The following KDM5A variants were observed in gnomAD, a reference collection of about 807,000 sequenced individuals.
KDM5A encodes lysine demethylase 5A, also known as lysine-specific demethylase 5A.
Under a neutral mutation model 193.5 loss-of-function variants are expected in KDM5A, and 42 were observed. The observed-to-expected ratio is 0.22, with a 90% CI of 0.17 to 0.28. The LOEUF is 0.28. Among genes scored for constraint, KDM5A ranks in the 10% least tolerant of loss-of-function variants. The pLI is 1.00. For missense variants in KDM5A, 1,692 were observed against 2,055.1 expected, an observed-to-expected ratio of 0.82 and a Z score of 3.42; for synonymous variants, 796 against 718.1, an observed-to-expected ratio of 1.11 and a Z score of -1.73.
rs1355205381 is a variant in KDM5A, at chr12:282,318, A to G, written c.*3138T>C. On this transcript the variant is annotated 3_prime_UTR_variant, in exon 28 of 28. Transcript: ENST00000399788. The stretch of plus-strand genomic sequence containing the variant: ...CTGCCATGTTTTTTATTATTAAAGT[A>G]CATTATGGGTAATCACAGGTTTAAT... The G allele has an allele frequency of 4.3e-6, 1 of 233,406 alleles. No individual in the cohort carries two copies. The highest frequency in any genetic ancestry group is 8.5e-6 in the Non-Finnish European group (1 of 118,208). 14.5% of individuals were successfully genotyped at this position (233,406 alleles called of 1,614,324 possible).
At chr12:312,117 T>C (rs1943594979) in intron 20 of KDM5A, among the ~76,000 whole-genome samples, 2 of 152,246 alleles carry the variant, frequency 1.3e-5, no homozygotes, top group Admixed American at 6.5e-5. Flanking sequence ...TGAGTACAGT[T>C]CTATAATTAA....
chr12:295,917 ATT>A (rs1480231555), intron 25 of KDM5A, 124 bp from the exon 26 acceptor site: 1 of 778,730 alleles, frequency 1.3e-6, no homozygotes, highest in Non-Finnish European at 2.2e-6. Flanking sequence ...ATCTGGATTC[ATT>A]ATATCAGTAT....
Position 280,846 on chromosome 12 carries a change from A to C in KDM5A, c.*4610T>G, listed in dbSNP as rs1241663248. 8.6e-6 allele frequency: 2 copies of C among 232,792 alleles called. No homozygotes were observed. The highest frequency in any genetic ancestry group is 1.2e-4 in the East Asian group (2 of 16,552). The allele number at this position is 232,792 out of a possible 1,614,324, so 14.4% of individuals were successfully genotyped here. ...AATCACTTCACACTCCAAAAACACT[A>C]TTCTCAGCAATGATAATAGGCTAAT... On this transcript the variant is annotated 3_prime_UTR_variant, in exon 28 of 28. Transcript: ENST00000399788.
At chr12:351,739 C>A (rs1944162703) in intron 9 of KDM5A, among the ~76,000 whole-genome samples, 1 of 152,084 alleles carries the variant, frequency 6.6e-6, no homozygotes, top group African/African-American at 2.4e-5. Context: ...GAGGCCAAGG[C>A]AGGCAGATCA....
intron 3 of KDM5A, among the ~76,000 whole-genome samples, chr12:377,687 A>C (rs1051246688): frequency 6.6e-6 from 1 of 152,230 alleles, no homozygotes; most frequent in Non-Finnish European, 1.5e-5. Context: ...ATATCCCATT[A>C]ACCATCTTTC....
chr12:381,797 A>G (rs921500055), intron 3 of KDM5A, among the ~76,000 whole-genome samples: 3 of 136,306 alleles, frequency 2.2e-5, no homozygotes, highest in African/African-American at 8.3e-5. Context: ...ATAAAAGATA[A>G]TTTAAATATG....
At chr12:293,198 T>G (rs1943322441) in intron 26 of KDM5A, 29 bp from the exon 27 acceptor site, 2 of 1,582,014 alleles carry the variant, frequency 1.3e-6, no homozygotes, top group Non-Finnish European at 1.7e-6. Flanking sequence ...AGGAACAATT[T>G]TAAAGCAAGA....
intron 10 of KDM5A, among the ~76,000 whole-genome samples, chr12:347,134 C>A (rs1418292218): frequency 6.6e-6 from 1 of 151,776 alleles, no homozygotes; most frequent in Non-Finnish European, 1.5e-5. Context: ...AGACAAACAG[C>A]CAAATCATGA....
chr12:326,864 C>CAAA lies in KDM5A; in HGVS notation c.1968+1968_1968+1970dup, dbSNP rs61571425. 3.7e-4 allele frequency among the ~76,000 whole-genome samples: 32 copies of CAAA among 85,988 alleles called. 2 individuals carry two copies. The East Asian group carries it at 6.4e-3, about 17-fold the overall frequency. The allele number at this position is 85,988 out of a possible 152,430, so 56.4% of individuals were successfully genotyped here. A position where few individuals can be genotyped will look rare whatever the true frequency, so the allele number is the denominator to read the frequency against. ...TGGGTGACAGAGCTAGACTCTGTCT[C>CAAA]AAAAAAAAAAAAAAAAAAAAAAAAA... On this transcript the variant is annotated intron_variant, in intron 14 of 27. Coordinates refer to ENST00000399788, the MANE Select transcript of KDM5A (RefSeq NM_001042603.3).
intron 10 of KDM5A, among the ~76,000 whole-genome samples, chr12:349,100 A>T (rs1944116675): frequency 6.7e-6 from 1 of 150,286 alleles, no homozygotes; most frequent in South Asian, 2.1e-4. Flanking sequence ...GGCTCACTGC[A>T]ACCTCTGCCT....
At chr12:313,616 A>C (rs1315592785) in intron 19 of KDM5A, among the ~76,000 whole-genome samples, 1 of 152,200 alleles carries the variant, frequency 6.6e-6, no homozygotes, top group Non-Finnish European at 1.5e-5. Context: ...CAATATAGAA[A>C]ACAATAGACT....
Position 384,172 on chromosome 12 carries a change from A to T in KDM5A, c.244-19T>A. On this transcript the variant is annotated intron_variant, in intron 2 of 27. Transcript: ENST00000399788. ...TCATTGCCTAAGATTATTAAAATAC[A>T]GAAGAACTAAGTTATGATTGAAATG... is the stretch of plus-strand genomic sequence containing the variant. 6.4e-7 allele frequency: 1 copy of T among 1,553,594 alleles called. No individual in the cohort carries two copies. Among genetic ancestry groups the T allele is most frequent in the Non-Finnish European group, 8.9e-7 (1 of 1,125,500 alleles).
Position 389,112 on chromosome 12 carries a change from G to A in KDM5A, c.-21C>T, listed in dbSNP as rs754363127. The A allele has an allele frequency of 1.9e-6, 3 of 1,600,220 alleles. No individual in the cohort carries two copies. The highest frequency in any genetic ancestry group is 1.1e-5 in the South Asian group (1 of 90,440). ...GCCATTGCAACGGCCGGGGGGGGGG[G>A]GGGGTCCCCGTGGGGAACCGGTGGA... On this transcript the variant is annotated 5_prime_UTR_variant, in exon 1 of 28. Coordinates refer to ENST00000399788, the MANE Select transcript of KDM5A (RefSeq NM_001042603.3).
intron 1 of KDM5A, among the ~76,000 whole-genome samples, chr12:387,725 TA>T (rs1452914357): frequency 6.6e-6 from 1 of 152,198 alleles, no homozygotes; most frequent in Non-Finnish European, 1.5e-5. Flanking sequence ...GCCTCATCTG[TA>T]AAAGGCGGAC....
At chr12:384,918 G>A (rs1007570859) in intron 2 of KDM5A, among the ~76,000 whole-genome samples, 7 of 152,164 alleles carry the variant, frequency 4.6e-5, no homozygotes, top group South Asian at 2.1e-4. Flanking sequence ...GGCCAGGCGC[G>A]GTAGCTCACG....
chr12:318,325 C>A lies in KDM5A; in HGVS notation c.2678G>T (p.Arg893Leu), dbSNP rs774366438. 2 of 1,613,990 alleles carry A rather than the reference C, an allele frequency of 1.2e-6. No homozygotes were observed. The highest frequency in any genetic ancestry group is 1.7e-6 in the Non-Finnish European group (2 of 1,180,034). Residue 893 changes from arginine to leucine, a missense_variant, in exon 19 of 28, where the codon CGA becomes CTA. Coordinates refer to ENST00000399788, the MANE Select transcript of KDM5A (RefSeq NM_001042603.3). Reference protein sequence around the residue: ...SLYVELPELPRLKQELQQARW... With the variant: ...SLYVELPELPLLKQELQQARW... ...AGCCTGTTGTAGCTCTTGCTTCAGT[C>A]GTGGTAATTCAGGGAGTTCCACATA...
chr12:346,641 C>T (rs762846008), intron 10 of KDM5A, among the ~76,000 whole-genome samples: 1 of 152,100 alleles, frequency 6.6e-6, no homozygotes, highest in Non-Finnish European at 1.5e-5. Context: ...TAATCCATCA[C>T]ATAAACAGAA....
rs200366123 is a variant in KDM5A, at chr12:389,141, A to G, written c.-50T>C. The G allele has an allele frequency of 5.1e-5, 79 of 1,546,610 alleles. No individual in the cohort carries two copies. The highest frequency in any genetic ancestry group is 1.7e-4 in the Middle Eastern group (1 of 5,940). ...GTCCCCGTGGGGAACCGGTGGAGAA[A>G]AGCTGGCTGAAGCCCACTAAGCCCG... On this transcript the variant is annotated 5_prime_UTR_variant, in exon 1 of 28. Coordinates refer to ENST00000399788, the MANE Select transcript of KDM5A (RefSeq NM_001042603.3).
intron 10 of KDM5A, among the ~76,000 whole-genome samples, chr12:347,086 A>G (rs933767571): frequency 6.6e-6 from 1 of 152,208 alleles, no homozygotes; most frequent in Admixed American, 6.5e-5. Context: ...TACAAAATCA[A>G]TGTGCAAAAA....
Sources: gnomAD v4.1 joint callset for allele counts (sites outside exome capture counted in the v4.1 genomes callset) on GRCh38, gnomAD v4.1.1 for gene constraint, MANE v1.5 for transcripts, NCBI Gene and HGNC (gene_info 2026-07-23, HGNC 2026-07-21) for gene names.